Variants in TBC1D22A observed in about 807,000 individuals in gnomAD.
TBC1D22A encodes the protein TBC1 domain family member 22A, also known as putative GTPase activator.
TBC1D22A carries 38 observed loss-of-function variants against 60.2 expected under a neutral mutation model. The ratio of observed to expected loss-of-function variants is 0.63; its 90% CI spans 0.49 to 0.83. The LOEUF (loss-of-function observed/expected upper bound fraction) is 0.83, where lower values mean the gene tolerates loss of function less well. Ranked by LOEUF, TBC1D22A falls within the 40% of genes least tolerant of loss-of-function variation. TBC1D22A has a pLI of 0.00. For synonymous variants in TBC1D22A, 302 were observed against 281.7 expected, an observed-to-expected ratio of 1.07 and a Z score of -0.72; for missense variants, 628 against 701.0, an observed-to-expected ratio of 0.90 and a Z score of 1.18.
intron 10 of TBC1D22A, among the ~76,000 whole-genome samples, chr22:47,035,002 T>G (rs2062610750): frequency 6.6e-6 from 1 of 152,136 alleles, no homozygotes; most frequent in Non-Finnish European, 1.5e-5. Flanking sequence ...ATGTTCCACC[T>G]CTGAAGCTCT....
chr22:46,854,770 G>A (rs968616508), intron 4 of TBC1D22A, among the ~76,000 whole-genome samples: 11 of 152,070 alleles, frequency 7.2e-5, no homozygotes, highest in African/African-American at 2.2e-4. Flanking sequence ...ACAGCTCCCC[G>A]TTGCTTGCAG....
chr22:47,164,260 T>G (rs5766703), intron 12 of TBC1D22A, among the ~76,000 whole-genome samples: 1 of 152,238 alleles, frequency 6.6e-6, no homozygotes. Flanking sequence ...TCCTTAGACA[T>G]GGGCCTCTGT....
At chr22:46,846,962 G>A (rs559226150) in intron 4 of TBC1D22A, among the ~76,000 whole-genome samples, 2 of 152,284 alleles carry the variant, frequency 1.3e-5, no homozygotes, top group Admixed American at 1.3e-4. Flanking sequence ...TGGTGCCGTC[G>A]AGAGACTGTT....
At chr22:46,968,348 G>C (rs1246083001) in intron 8 of TBC1D22A, among the ~76,000 whole-genome samples, 2 of 152,364 alleles carry the variant, frequency 1.3e-5, no homozygotes, top group Admixed American at 6.5e-5. Context: ...GTTACCTGCA[G>C]CCTCCTTACC....
chr22:47,005,527 CT>C (rs2061558985), intron 10 of TBC1D22A, among the ~76,000 whole-genome samples: 2 of 151,572 alleles, frequency 1.3e-5, no homozygotes, highest in African/African-American at 4.9e-5. Flanking sequence ...TAACACACAC[CT>C]TCCCATATTC....
chr22:46,897,008 G>T (rs1028109083), intron 7 of TBC1D22A, among the ~76,000 whole-genome samples: 2 of 152,160 alleles, frequency 1.3e-5, no homozygotes, highest in African/African-American at 4.8e-5. Context: ...GAATGTGCTA[G>T]TTCCTCTTTT....
chr22:47,033,941 G>A (rs1220729158), intron 10 of TBC1D22A, among the ~76,000 whole-genome samples: 1 of 152,126 alleles, frequency 6.6e-6, no homozygotes, highest in Non-Finnish European at 1.5e-5. Context: ...GGGATCCTGA[G>A]ACACCTCCTG....
chr22:47,152,510 T>C (rs1348060775), intron 12 of TBC1D22A, among the ~76,000 whole-genome samples: 3 of 152,198 alleles, frequency 2.0e-5, no homozygotes, highest in African/African-American at 4.8e-5. Flanking sequence ...ACAGGCACAT[T>C]CACTAGAGAG....
intron 8 of TBC1D22A, among the ~76,000 whole-genome samples, chr22:46,952,679 C>CAG (rs1390586299): frequency 6.6e-6 from 1 of 152,176 alleles, no homozygotes; most frequent in Non-Finnish European, 1.5e-5. Flanking sequence ...GTGCTGGAGG[C>CAG]AGAGGCAGCA....
chr22:46,969,155 G>A (rs2034789971), intron 8 of TBC1D22A, among the ~76,000 whole-genome samples: 1 of 152,176 alleles, frequency 6.6e-6, no homozygotes, highest in Non-Finnish European at 1.5e-5. Flanking sequence ...TGCTCTAGGG[G>A]TATTTATCTG....
intron 8 of TBC1D22A, among the ~76,000 whole-genome samples, chr22:46,959,989 C>G (rs573978667): frequency 2.0e-5 from 3 of 152,180 alleles, no homozygotes; most frequent in Non-Finnish European, 4.4e-5. Flanking sequence ...TGGCCCAAAC[C>G]TGCATCAGCT....
chr22:47,013,370 G>T (rs562473436), intron 10 of TBC1D22A, among the ~76,000 whole-genome samples: 12 of 152,216 alleles, frequency 7.9e-5, no homozygotes, highest in African/African-American at 2.6e-4. Context: ...GATGTTTGGG[G>T]TTTATTGCTA....
chr22:46,798,116 A>C (rs2084738164), intron 4 of TBC1D22A, among the ~76,000 whole-genome samples: 1 of 152,144 alleles, frequency 6.6e-6, no homozygotes, highest in African/African-American at 2.4e-5. Context: ...GGCTTAAGAG[A>C]TCCTCCTGCC....
chr22:46,917,346 G>A (rs546090945), intron 8 of TBC1D22A, among the ~76,000 whole-genome samples: 16 of 152,280 alleles, frequency 1.1e-4, no homozygotes, highest in Middle Eastern at 3.4e-3. Context: ...CAGACCAGAG[G>A]CCGGTGGAGG....
chr22:46,800,498 TG>T (rs1246707277), intron 4 of TBC1D22A, among the ~76,000 whole-genome samples: 3 of 152,166 alleles, frequency 2.0e-5, no homozygotes, highest in Non-Finnish European at 2.9e-5. Flanking sequence ...AGAACCACGT[TG>T]CACCTGGGAG....
chr22:47,040,550 G>T (rs921855675), intron 11 of TBC1D22A, among the ~76,000 whole-genome samples: 2 of 151,898 alleles, frequency 1.3e-5, no homozygotes, highest in Admixed American at 1.3e-4. Flanking sequence ...GCTCTGATGG[G>T]GAGAGGGAAG....
intron 11 of TBC1D22A, among the ~76,000 whole-genome samples, chr22:47,057,031 G>A (rs1419882311): frequency 6.6e-6 from 1 of 152,224 alleles, no homozygotes; most frequent in Non-Finnish European, 1.5e-5. Context: ...AACCCGTGAG[G>A]TCAGCCCACC....
At chr22:47,163,091 G>C (rs113833256) in intron 12 of TBC1D22A, among the ~76,000 whole-genome samples, 2,479 of 152,328 alleles carry the variant, frequency 0.016, 63 homozygotes, top group African/African-American at 0.057. Context: ...CCAGGCAGGC[G>C]TGCCAGTGGC....
At chr22:46,997,770 G>C in intron 10 of TBC1D22A, 61 bp downstream of exon 10, 2 of 1,501,058 alleles carry the variant, frequency 1.3e-6, no homozygotes, top group Non-Finnish European at 1.9e-6. Context: ...CTCAGCCCTC[G>C]GTGGGACAGG....
Sources: gnomAD v4.1 joint callset for allele counts (sites outside exome capture counted in the v4.1 genomes callset) on GRCh38, gnomAD v4.1.1 for gene constraint, MANE v1.5 for transcripts, NCBI Gene and HGNC (gene_info 2026-07-23, HGNC 2026-07-21) for gene names.